The following ADAMTSL2 variants were observed in gnomAD, a reference collection of about 807,000 sequenced individuals.
The protein encoded by ADAMTSL2 is ADAMTS like 2.
ADAMTSL2 carries 55 observed loss-of-function variants against 117.0 expected under a neutral mutation model. The observed-to-expected ratio is 0.47, with a 90% CI of 0.38 to 0.59. The LOEUF (loss-of-function observed/expected upper bound fraction) is 0.59, where lower values mean the gene tolerates loss of function less well. Among genes scored for constraint, ADAMTSL2 ranks in the 20% least tolerant of loss-of-function variants. ADAMTSL2 has a pLI of 0.00. For synonymous variants in ADAMTSL2, 572 were observed against 566.4 expected (o/e 1.01, Z -0.14); for missense variants, 1,182 against 1,354.5 (o/e 0.87, Z 2.00).
chr9:133,566,929 A>C lies in ADAMTSL2; in HGVS notation c.1748-7A>C. 1.9e-6 allele frequency: 3 copies of C among 1,604,742 alleles called. No individual in the cohort carries two copies. The highest frequency in any genetic ancestry group is 2.6e-6 in the Non-Finnish European group (3 of 1,176,312). On this transcript the variant is annotated splice_polypyrimidine_tract_variant and splice_region_variant and intron_variant, in intron 12 of 18. Transcript: ENST00000651351. ...GGCTCACAGACCCACCCCTGTCCCC[A>C]ACCCAGGGGTCATGTCTGCGTACGC...
At chr9:133,563,830 AG>A (rs1830811021) in intron 12 of ADAMTSL2, among the ~76,000 whole-genome samples, 2 of 90,960 alleles carry the variant, frequency 2.2e-5, no homozygotes, top group South Asian at 4.1e-4. Context: ...AGAGAGAGAG[AG>A]AGAGAGAGAG....
At chr9:133,560,144 G>A (rs1275639069) in intron 11 of ADAMTSL2, among the ~76,000 whole-genome samples, 2 of 152,230 alleles carry the variant, frequency 1.3e-5, no homozygotes, top group African/African-American at 4.8e-5. Context: ...CCACCCCCAG[G>A]TGACTGAAGG....
intron 2 of ADAMTSL2, 63 bp from the exon 3 acceptor site, chr9:133,537,342 G>A: frequency 1.5e-6 from 2 of 1,323,430 alleles, no homozygotes; most frequent in Non-Finnish European, 1.9e-6. Context: ...GGCATGGGGT[G>A]GGGGCAGGCT....
intron 7 of ADAMTSL2, among the ~76,000 whole-genome samples, chr9:133,541,292 CTTT>C (rs113918663): frequency 2.1e-5 from 3 of 143,758 alleles, no homozygotes; most frequent in Non-Finnish European, 1.5e-5. Context: ...AACAATGCAC[CTTT>C]TTTTTTTTTT....
rs1021762478 is a variant in ADAMTSL2, at chr9:133,568,363, C to T, written c.1965C>T (p.Pro655=). 44 of 1,598,706 alleles carry T rather than the reference C, an allele frequency of 2.8e-5. No homozygotes were observed. Among genetic ancestry groups the T allele is most frequent in the Middle Eastern group, 1.7e-4 (1 of 6,028 alleles). The stretch of plus-strand genomic sequence containing the variant: ...TGCGCTGCTGGAAGATGCTCTCGCC[C>T]GGCTTCGACAGCTCCGTGTACAGCG... The part of the protein sequence containing the change: ...RVVRCWKMLS[P]GFDSSVYSDL... Residue 655 remains proline, a synonymous_variant, in exon 14 of 19, where the codon CCC becomes CCT. Coordinates refer to ENST00000651351, the MANE Select transcript of ADAMTSL2 (RefSeq NM_014694.4).
In ADAMTSL2 at chr9:133,555,724, C is replaced by A; in HGVS notation, c.1443C>A (p.Ile481=). 1 of 1,614,040 alleles carries A rather than the reference C, an allele frequency of 6.2e-7. No homozygotes were observed. The highest frequency in any genetic ancestry group is 1.1e-5 in the South Asian group (1 of 91,090). Reference sequence around the variant, plus strand: ...CCCTCAATGAGACTGTGAACAGCATCTTTGCACAGGGCGCCCCAAGGAGCT... The same window carrying A: ...CCCTCAATGAGACTGTGAACAGCATATTTGCACAGGGCGCCCCAAGGAGCT... ...DFTLNETVNS[I]FAQGAPRSSL... is the part of the protein sequence containing the mutation. The change falls in exon 11 of 19, where the codon ATC becomes ATA. Residue 481 remains isoleucine (I), a synonymous_variant. Transcript: ENST00000651351.
rs1251031848 is a variant in ADAMTSL2 at position 133,534,714 on chromosome 9, G to T, written c.-354G>T. Reference sequence around the variant, plus strand: ...CGGCGCAGAGCCGCCACTGGGCTGCGCCCCTCCCGGGAACCCCCTCTCTTG... The same window carrying T: ...CGGCGCAGAGCCGCCACTGGGCTGCTCCCCTCCCGGGAACCCCCTCTCTTG... On this transcript the variant is annotated 5_prime_UTR_variant, in exon 1 of 19. Transcript: ENST00000651351. 4 of 1,375,266 alleles carry T rather than the reference G, an allele frequency of 2.9e-6. No individual in the cohort carries two copies. Among genetic ancestry groups the T allele is most frequent in the East Asian group, 3.1e-5 (1 of 32,620 alleles). The allele number at this position is 1,375,266 out of a possible 1,614,324, so 85.2% of individuals were successfully genotyped here.
intron 1 of ADAMTSL2, among the ~76,000 whole-genome samples, chr9:133,536,138 C>T (rs1830044809): frequency 6.6e-6 from 1 of 152,208 alleles, no homozygotes; most frequent in Non-Finnish European, 1.5e-5. Context: ...TGGTCTAGGG[C>T]GAGGCTGCAC....
intron 8 of ADAMTSL2, 27 bp downstream of exon 8, chr9:133,544,577 C>T (rs1239556725): frequency 6.3e-7 from 1 of 1,594,610 alleles, no homozygotes; most frequent in Non-Finnish European, 8.6e-7. Flanking sequence ...TGGCAGCTGC[C>T]TCACTGAGCT....
intron 3 of ADAMTSL2, among the ~76,000 whole-genome samples, chr9:133,538,011 T>C (rs112777325): frequency 0.055 from 8,365 of 152,328 alleles, 293 homozygotes; most frequent in Non-Finnish European, 0.076. Context: ...GCATCAGTTT[T>C]CTCATCCATG....
intron 4 of ADAMTSL2, among the ~76,000 whole-genome samples, chr9:133,538,958 C>T (rs955304264): frequency 6.6e-6 from 1 of 152,228 alleles, no homozygotes; most frequent in Non-Finnish European, 1.5e-5. Flanking sequence ...AACCTGAACA[C>T]CTTTCCAAGG....
chr9:133,535,475 C>A (rs1257903121), intron 1 of ADAMTSL2, among the ~76,000 whole-genome samples: 2 of 152,126 alleles, frequency 1.3e-5, no homozygotes, highest in African/African-American at 4.8e-5. Flanking sequence ...CTTGGAGTGG[C>A]CCCTGAAAAT....
chr9:133,550,449 C>T (rs1266115198), intron 9 of ADAMTSL2, among the ~76,000 whole-genome samples: 1 of 152,148 alleles, frequency 6.6e-6, no homozygotes, highest in East Asian at 1.9e-4. Flanking sequence ...TAAAGCGGGT[C>T]CCTTTGTTTA....
chr9:133,559,346 C>A (rs2131149577), intron 11 of ADAMTSL2, among the ~76,000 whole-genome samples: 1 of 144,334 alleles, frequency 6.9e-6, no homozygotes, highest in African/African-American at 2.6e-5. Flanking sequence ...CCCCCACCCA[C>A]CCCCATTTTT....
At chr9:133,559,858 C>T (rs1230195257) in intron 11 of ADAMTSL2, among the ~76,000 whole-genome samples, 1 of 152,186 alleles carries the variant, frequency 6.6e-6, no homozygotes, top group East Asian at 1.9e-4. Context: ...CACTCCTCTT[C>T]TCCCTCCCTG....
intron 16 of ADAMTSL2, 109 bp downstream of exon 16, chr9:133,569,687 T>C: frequency 1.8e-6 from 2 of 1,140,238 alleles, no homozygotes; most frequent in Admixed American, 2.2e-5. Context: ...GAGGAATTCA[T>C]TGCAAATTAT....
chr9:133,541,238 T>G (rs1216965071), intron 7 of ADAMTSL2, among the ~76,000 whole-genome samples: 1 of 151,740 alleles, frequency 6.6e-6, no homozygotes, highest in East Asian at 1.9e-4. Flanking sequence ...ACACTTGGCT[T>G]GGGGGTCACA....
intron 1 of ADAMTSL2, 101 bp from the exon 2 acceptor site, chr9:133,536,462 C>T: frequency 6.9e-7 from 1 of 1,456,522 alleles, no homozygotes; most frequent in Non-Finnish European, 9.1e-7. Flanking sequence ...AGCACGCACA[C>T]CGCCGCTGGG....
Position 133,569,597 on chromosome 9 carries a change from G to T in ADAMTSL2, c.2415+19G>T, listed in dbSNP as rs1448133830. The T allele has an allele frequency of 6.4e-7, 1 of 1,555,200 alleles. No homozygotes were observed. The highest frequency in any genetic ancestry group is 8.7e-7 in the Non-Finnish European group (1 of 1,148,842). On this transcript the variant is annotated intron_variant, in intron 16 of 18. Coordinates refer to ENST00000651351, the MANE Select transcript of ADAMTSL2 (RefSeq NM_014694.4). ...GGAGCGGGTGAGTGCCCCAGAGCCC[G>T]CGGAAGGGCCTCCTGGTATCTGGAG...
Sources: allele counts gnomAD v4.1 joint callset (sites outside exome capture counted in the v4.1 genomes callset), GRCh38; gene constraint gnomAD v4.1.1; transcripts MANE v1.5; gene names NCBI Gene and HGNC (gene_info 2026-07-23, HGNC 2026-07-21).